The following MEF2A variants were observed in gnomAD, a reference collection of about 807,000 sequenced individuals.
MEF2A encodes the protein myocyte-specific enhancer factor 2A.
A neutral mutation model predicts 55.8 loss-of-function variants in MEF2A; 28 were observed. The observed-to-expected ratio is 0.50, with a 90% CI of 0.37 to 0.69. The LOEUF is 0.69. MEF2A is among the 30% of genes least tolerant of loss of function. MEF2A has a pLI of 0.00. For missense variants in MEF2A, 528 were observed against 626.2 expected (o/e 0.84, Z 1.67); for synonymous variants, 239 against 227.1 (o/e 1.05, Z -0.47).
chr15:99,671,705 T>C lies in MEF2A; in HGVS notation c.390+251T>C, dbSNP rs182073236. Reference sequence around the variant, plus strand: ...TGCTTTTATCTTGTGCATGAAGAGATTGACCAAACATCTTGTTGCTTATTT... The same window carrying C: ...TGCTTTTATCTTGTGCATGAAGAGACTGACCAAACATCTTGTTGCTTATTT... On this transcript the variant is annotated intron_variant, in intron 5 of 11. Transcript: ENST00000557942. The C allele has an allele frequency of 3.4e-6, 5 of 1,462,214 alleles. No homozygotes were observed. The African/African-American group carries it at 7.1e-5, about 21-fold the overall frequency. 90.6% of individuals were successfully genotyped at this position (1,462,214 alleles called of 1,614,324 possible). A position where few individuals can be genotyped will look rare whatever the true frequency, so the allele number is the denominator to read the frequency against.
chr15:99,575,365 T>G (rs942374761), intron 1 of MEF2A, among the ~76,000 whole-genome samples: 1 of 152,214 alleles, frequency 6.6e-6, no homozygotes, highest in Admixed American at 6.5e-5. Flanking sequence ...TTTTGGGTTT[T>G]GTAGAGTACA....
chr15:99,618,849 TAAA>T (rs1310497830), intron 2 of MEF2A, among the ~76,000 whole-genome samples: 4 of 152,212 alleles, frequency 2.6e-5, no homozygotes, highest in African/African-American at 4.8e-5. Flanking sequence ...AGTTGTAAGT[TAAA>T]AAGTAAAATA....
intron 4 of MEF2A, among the ~76,000 whole-genome samples, chr15:99,663,214 G>C (rs1218448409): frequency 6.6e-6 from 1 of 151,592 alleles, no homozygotes; most frequent in African/African-American, 2.4e-5. Context: ...AAGTCCCTTG[G>C]GATATTTATA....
intron 8 of MEF2A, among the ~76,000 whole-genome samples, chr15:99,698,854 C>CT (rs1267592855): frequency 2.6e-5 from 4 of 151,684 alleles, no homozygotes; most frequent in African/African-American, 9.7e-5. Context: ...CAGAAAATCT[C>CT]TCCCATATCT....
intron 1 of MEF2A, among the ~76,000 whole-genome samples, chr15:99,597,264 C>T (rs372138997): frequency 6.6e-6 from 1 of 152,110 alleles, no homozygotes; most frequent in Non-Finnish European, 1.5e-5. Context: ...AGAGAATGCG[C>T]ACCTGGGGGT....
At chr15:99,568,489 C>T (rs966654182) in intron 1 of MEF2A, among the ~76,000 whole-genome samples, 1 of 152,132 alleles carries the variant, frequency 6.6e-6, no homozygotes, top group African/African-American at 2.4e-5. Context: ...ATAGCAGTGT[C>T]ATCCATTAAT....
chr15:99,638,337 C>T (rs1171788335), intron 3 of MEF2A, among the ~76,000 whole-genome samples: 2 of 152,016 alleles, frequency 1.3e-5, no homozygotes, highest in African/African-American at 4.8e-5. Context: ...TGTTAATATA[C>T]ATTTTTACTG....
At chr15:99,684,129 G>A (rs1424349394) in intron 7 of MEF2A, among the ~76,000 whole-genome samples, 1 of 152,120 alleles carries the variant, frequency 6.6e-6, no homozygotes, top group Non-Finnish European at 1.5e-5. Context: ...TGGTTGATGG[G>A]CATTTGGGCT....
Position 99,712,604 on chromosome 15 carries a change from TC to T in MEF2A, c.1355del (p.Pro452LeufsTer5). 1 of 1,551,204 alleles carries T rather than the reference TC, an allele frequency of 6.4e-7. No individual in the cohort carries two copies. The highest frequency in any genetic ancestry group is 8.7e-7 in the Non-Finnish European group (1 of 1,146,934). ...CCAGCCCCGACAGGAAATGGGGCGCTCCCCTGTGGACAGTCTGAGCAGCTCT... is the reference window on the plus strand; with the variant it reads ...CCAGCCCCGACAGGAAATGGGGCGCTCCCTGTGGACAGTCTGAGCAGCTCT... ...QPQPRQEMGR[S>X]PVDSLSSSSS... On this transcript the variant is annotated frameshift_variant, in exon 12 of 12. Coordinates refer to ENST00000557942, the MANE Select transcript of MEF2A (RefSeq NM_001319206.4). LOFTEE classifies it high-confidence loss of function. This position sits in a 1 kb window ranked among gnomAD's most constrained non-coding sequence, Gnocchi z 4.1.
rs2058820397 is a variant in MEF2A, at chr15:99,712,901, ATGTATGTGGGTGTGAGTG to A, written c.*139_*156del. On this transcript the variant is annotated 3_prime_UTR_variant, in exon 12 of 12. Transcript: ENST00000557942. The surrounding 1 kb of genome is among the most constrained non-coding windows in gnomAD (Gnocchi z 4.1). ...CATATATATATCCCTTTACATATAT[ATGTATGTGGGTGTGAGTG>A]TGTATGTGTGGGTGTGTGTTACATA... 9.4e-7 allele frequency: 1 copy of A among 1,058,486 alleles called. No individual in the cohort carries two copies. Among genetic ancestry groups the A allele is most frequent in the African/African-American group, 1.9e-5 (1 of 53,228 alleles). The allele number at this position is 1,058,486 out of a possible 1,614,324, so 65.6% of individuals were successfully genotyped here.
intron 4 of MEF2A, among the ~76,000 whole-genome samples, chr15:99,656,396 T>G (rs1220453028): frequency 1.3e-5 from 2 of 152,132 alleles, no homozygotes; most frequent in Non-Finnish European, 2.9e-5. Flanking sequence ...CCTATGCAGC[T>G]TTGTATTCTG....
At chr15:99,612,224 G>T (rs550173508) in intron 2 of MEF2A, among the ~76,000 whole-genome samples, 1 of 152,218 alleles carries the variant, frequency 6.6e-6, no homozygotes, top group Admixed American at 6.5e-5. Flanking sequence ...GACTATCCTG[G>T]CTAACAGGGT....
intron 4 of MEF2A, among the ~76,000 whole-genome samples, chr15:99,665,731 C>CAAAAAAAAAAAAAAAAAAAAAAAATAAA (rs752473261): frequency 4.9e-5 from 1 of 20,250 alleles, no homozygotes; most frequent in African/African-American, 1.7e-4. Context: ...CTTAAATTTA[C>CAAAAAAAAAAAAAAAAAAAAAAAATAAA]AAAAAAAAAA....
At chr15:99,703,407 A>G (rs1205571634) in intron 9 of MEF2A, 22 bp downstream of exon 9, 2 of 1,591,202 alleles carry the variant, frequency 1.3e-6, no homozygotes, top group South Asian at 2.3e-5. Context: ...TTTCTGCTTG[A>G]AGGAAGTTGA....
At chr15:99,692,245 A>C (rs999899303) in intron 8 of MEF2A, among the ~76,000 whole-genome samples, 1 of 152,202 alleles carries the variant, frequency 6.6e-6, no homozygotes, top group African/African-American at 2.4e-5. Flanking sequence ...AACTGAGTTA[A>C]AGGTTATTAC....
intron 8 of MEF2A, among the ~76,000 whole-genome samples, chr15:99,699,226 TG>T (rs2056994592): frequency 1.3e-5 from 2 of 152,212 alleles, no homozygotes; most frequent in South Asian, 4.1e-4. Context: ...ATAAACACAC[TG>T]TACATCCATA....
chr15:99,633,319 A>C (rs1450676049), intron 3 of MEF2A, 146 bp downstream of exon 3: 3 of 544,768 alleles, frequency 5.5e-6, no homozygotes, highest in Non-Finnish European at 3.1e-6. Context: ...TAACAATCAT[A>C]AAATTGTATC....
At chr15:99,703,326 A>T in intron 8 of MEF2A, 36 bp from the exon 9 acceptor site, 1 of 1,610,270 alleles carries the variant, frequency 6.2e-7, no homozygotes, top group East Asian at 2.2e-5. Flanking sequence ...CAACAGTCTT[A>T]GTAACTCTCT....
chr15:99,590,165 C>G (rs1968764119), intron 1 of MEF2A, among the ~76,000 whole-genome samples: 1 of 152,074 alleles, frequency 6.6e-6, no homozygotes, highest in Admixed American at 6.6e-5. Context: ...TGTTTTGGAA[C>G]TTTATCATTG....
Sources: gnomAD v4.1 joint callset for allele counts (sites outside exome capture counted in the v4.1 genomes callset) on GRCh38, gnomAD v4.1.1 for gene constraint, Gnocchi (gnomAD v3.1) non-coding constraint, MANE v1.5 for transcripts, NCBI Gene and HGNC (gene_info 2026-07-23, HGNC 2026-07-21) for gene names.